Variants in DPP3 observed in about 807,000 individuals in gnomAD.
DPP3 encodes dipeptidyl peptidase 3, also known as DPP III.
A neutral mutation model predicts 89.8 loss-of-function variants in DPP3; 64 were observed. The ratio of observed to expected loss-of-function variants is 0.71; its 90% CI spans 0.58 to 0.88. The LOEUF (loss-of-function observed/expected upper bound fraction) is 0.88. Among genes scored for constraint, DPP3 ranks in the 40% least tolerant of loss-of-function variants. The probability of loss-of-function intolerance (pLI) is 0.00; values close to 1 mark genes in which losing one functional copy is unlikely to be tolerated. For synonymous variants in DPP3, 377 were observed against 404.3 expected (o/e 0.93, Z 0.81); for missense variants, 835 against 972.5 (o/e 0.86, Z 1.88).
intron 6 of DPP3, among the ~76,000 whole-genome samples, chr11:66,490,282 G>A (rs1385279790): frequency 6.6e-6 from 1 of 151,708 alleles, no homozygotes; most frequent in Non-Finnish European, 1.5e-5. Flanking sequence ...ACAGTAGTGT[G>A]TAAGCATCCC....
At chr11:66,501,157 G>A (rs1041712736) in intron 16 of DPP3, among the ~76,000 whole-genome samples, 8 of 150,894 alleles carry the variant, frequency 5.3e-5, no homozygotes, top group African/African-American at 7.3e-5. Context: ...ACTGAACTCC[G>A]GCCCAAGCGA....
intron 1 of DPP3, among the ~76,000 whole-genome samples, chr11:66,481,717 A>AGCT (rs938276275): frequency 6.6e-6 from 1 of 151,206 alleles, no homozygotes; most frequent in African/African-American, 2.4e-5. Context: ...GTGCGGTCTC[A>AGCT]GCTCACTGCA....
intron 2 of DPP3, among the ~76,000 whole-genome samples, chr11:66,484,847 G>GAACAGC: frequency 6.6e-6 from 1 of 152,168 alleles, no homozygotes; most frequent in African/African-American, 2.4e-5. Context: ...AAAGAGGGAG[G>GAACAGC]TGCTGCTGGA....
intron 2 of DPP3, among the ~76,000 whole-genome samples, chr11:66,483,922 G>A (rs903074653): frequency 3.3e-5 from 5 of 151,948 alleles, no homozygotes; most frequent in Non-Finnish European, 7.4e-5. Context: ...GCTAATATCC[G>A]TGGAAATGTT....
Position 66,491,399 on chromosome 11 carries a change from G to T in DPP3, c.798+16G>T. 6.2e-7 allele frequency: 1 copy of T among 1,612,228 alleles called. No individual in the cohort carries two copies. The highest frequency in any genetic ancestry group is 8.5e-7 in the Non-Finnish European group (1 of 1,178,840). On this transcript the variant is annotated intron_variant, in intron 7 of 17. Coordinates refer to ENST00000531863, the MANE Select transcript of DPP3 (RefSeq NM_130443.4). ...GAAAGCCAAGGTTGGACTGGCTGGG[G>T]GCTGAGGGGTGCGGGCTGAGGACCC...
chr11:66,493,134 C>T lies in DPP3; in HGVS notation c.1251C>T (p.Tyr417=), dbSNP rs201921747. Residue 417 remains tyrosine (Y), a synonymous_variant, in exon 11 of 18, where the codon TAC becomes TAT. Coordinates refer to ENST00000531863, the MANE Select transcript of DPP3 (RefSeq NM_130443.4). ...VSLGNVLAVA[Y]ATQREKLTFL... is the part of the protein sequence containing the mutation. ...TGGGGAATGTGCTGGCTGTGGCCTA[C>T]GCCACGCAGCGGGAGAAGCTTACCT... 15 of 1,613,992 alleles carry T rather than the reference C, an allele frequency of 9.3e-6. No individual in the cohort carries two copies. The highest frequency in any genetic ancestry group is 3.3e-4 in the Middle Eastern group (2 of 6,084).
chr11:66,495,098 T>TGCGCTCCC, intron 12 of DPP3, 108 bp from the exon 13 acceptor site: 2 of 1,534,734 alleles, frequency 1.3e-6, no homozygotes, highest in South Asian at 1.1e-5. Flanking sequence ...CGCCCGCTCC[T>TGCGCTCCC]GCGCTCCCGC....
rs1030270097 is a variant in DPP3 at position 66,482,433 on chromosome 11, A to G, written c.233A>G (p.His78Arg). Residue 78 changes from histidine to arginine, a missense_variant, in exon 2 of 18, where the codon CAT becomes CGT. His to Arg is a conservative substitution (Grantham distance 29). Coordinates refer to ENST00000531863, the MANE Select transcript of DPP3 (RefSeq NM_130443.4). ...CAGGACCCCGACCAGCTGCGCCAACATGCCCTGGCTGAAGGCCTTACCGAG... is the reference window on the plus strand; with the variant it reads ...CAGGACCCCGACCAGCTGCGCCAACGTGCCCTGGCTGAAGGCCTTACCGAG... ...RAQDPDQLRQ[H>R]ALAEGLTEEE... 2 of 1,608,602 alleles carry G rather than the reference A, an allele frequency of 1.2e-6. No homozygotes were observed. Among genetic ancestry groups the G allele is most frequent in the Non-Finnish European group, 1.7e-6 (2 of 1,180,002 alleles).
At chr11:66,504,835 G>A (rs1855763270) in intron 17 of DPP3, 61 bp downstream of exon 17, 1 of 1,510,048 alleles carries the variant, frequency 6.6e-7, no homozygotes, top group Non-Finnish European at 8.9e-7. Context: ...GGGCCCTCTG[G>A]GAAGCAGTAA....
At chr11:66,493,464 C>G (rs965442086) in intron 11 of DPP3, 77 bp from the exon 12 acceptor site, 110 of 1,479,528 alleles carry the variant, frequency 7.4e-5, no homozygotes, top group Non-Finnish European at 9.9e-5. Flanking sequence ...GGTCCATGGC[C>G]CAGGGGAGGG....
At chr11:66,483,367 A>C (rs57634456) in intron 2 of DPP3, among the ~76,000 whole-genome samples, 37,051 of 151,998 alleles carry the variant, frequency 0.24, 4,802 homozygotes, top group East Asian at 0.26. Flanking sequence ...TATTACATAC[A>C]TTTATGTGTA....
intron 6 of DPP3, among the ~76,000 whole-genome samples, chr11:66,489,691 T>C (rs1015061228): frequency 6.6e-6 from 1 of 152,146 alleles, no homozygotes; most frequent in African/African-American, 2.4e-5. Context: ...TGGAGCACAG[T>C]AGGAACAGCC....
intron 3 of DPP3, 83 bp downstream of exon 3, chr11:66,485,345 T>G: frequency 7.3e-7 from 1 of 1,367,284 alleles, no homozygotes; most frequent in Non-Finnish European, 1.0e-6. Context: ...GAGCCCCAAC[T>G]GGAGTGTCAG....
chr11:66,486,590 A>C lies in DPP3; in HGVS notation c.411A>C (p.Pro137=). 1 of 1,583,234 alleles carries C rather than the reference A, an allele frequency of 6.3e-7. No individual in the cohort carries two copies. Among genetic ancestry groups the C allele is most frequent in the Non-Finnish European group, 8.6e-7 (1 of 1,164,584 alleles). ...GGAGTGAGGCTGCTCAGCAGCACCC[A>C]GAAGAAGTCAGGGGCCTCTGGCAGA... ...ILGSEAAQQH[P]EEVRGLWQTC... Residue 137 remains proline (P), a synonymous_variant, in exon 4 of 18, where the codon CCA becomes CCC. Transcript: ENST00000531863.
At chr11:66,500,203 A>G (rs1229169307) in intron 16 of DPP3, among the ~76,000 whole-genome samples, 2 of 152,056 alleles carry the variant, frequency 1.3e-5, no homozygotes, top group Non-Finnish European at 2.9e-5. Flanking sequence ...AAACATAAAA[A>G]ATTAGCCAGG....
Position 66,491,747 on chromosome 11 carries a change from G to A in DPP3, c.979G>A (p.Glu327Lys). The stretch of plus-strand genomic sequence containing the variant: ...CCGCGACCCCTTTGGTTCCCGAGGA[G>A]AATTTGAAGGTAACTTCCTCAGGGA... ...SYRDPFGSRG[E>K]FEGFVAVVNK... The change falls in exon 9 of 18, where the codon GAA (glutamate) becomes AAA (lysine). Residue 327 changes from glutamate (E) to lysine (K), a missense_variant. Coordinates refer to ENST00000531863, the MANE Select transcript of DPP3 (RefSeq NM_130443.4). 1 of 1,613,620 alleles carries A rather than the reference G, an allele frequency of 6.2e-7. No individual in the cohort carries two copies. Among genetic ancestry groups the A allele is most frequent in the Non-Finnish European group, 8.5e-7 (1 of 1,179,882 alleles).
chr11:66,508,982 C>T, intron 17 of DPP3, 97 bp from the exon 18 acceptor site: 3 of 1,479,844 alleles, frequency 2.0e-6, no homozygotes, highest in Non-Finnish European at 2.7e-6. Flanking sequence ...CAGTAAGAAA[C>T]AGCTGCTGCT....
rs1012325010 is a variant in DPP3, at chr11:66,485,272, G to A, written c.360+10G>A. 3.7e-6 allele frequency: 6 copies of A among 1,613,598 alleles called. No individual in the cohort carries two copies. Among genetic ancestry groups the A allele is most frequent in the Non-Finnish European group, 4.2e-6 (5 of 1,179,730 alleles). ...TCCCAACTTGCCCAAGGTGAGCCAA[G>A]GGAGGGTTGGGGAAGGTGGGGATGG... On this transcript the variant is annotated intron_variant, in intron 3 of 17. Coordinates refer to ENST00000531863, the MANE Select transcript of DPP3 (RefSeq NM_130443.4).
At position 66,495,454 on chromosome 11, in the gene DPP3, G is replaced by A. The variant is rs1239903779; in HGVS notation, c.1542G>A (p.Val514=). The A allele has an allele frequency of 1.2e-6, 2 of 1,612,244 alleles. No individual in the cohort carries two copies. The highest frequency in any genetic ancestry group is 8.5e-7 in the Non-Finnish European group (1 of 1,179,190). ...ACGAAGAGTGCCGGGCTGAGAGCGTGGGTCTCTACCTCTGTCTCCACCCGC... is the reference window on the plus strand; with the variant it reads ...ACGAAGAGTGCCGGGCTGAGAGCGTAGGTCTCTACCTCTGTCTCCACCCGC... ...SSYEECRAES[V]GLYLCLHPQV... is the part of the protein sequence containing the mutation. The change falls in exon 14 of 18, where the codon GTG becomes GTA. Residue 514 remains valine (V), a synonymous_variant. Transcript: ENST00000531863.
Sources: gnomAD v4.1 joint callset for allele counts (sites outside exome capture counted in the v4.1 genomes callset) on GRCh38, gnomAD v4.1.1 for gene constraint, MANE v1.5 for transcripts, NCBI Gene and HGNC (gene_info 2026-07-23, HGNC 2026-07-21) for gene names.